The following ITGA6 variants were observed in gnomAD, a reference collection of about 807,000 sequenced individuals.
ITGA6 encodes integrin alpha-6.
In ITGA6, 63 loss-of-function variants were observed where a neutral mutation model predicts 133.6. The ratio of observed to expected loss-of-function variants is 0.47; its 90% confidence interval spans 0.38 to 0.58. The LOEUF (loss-of-function observed/expected upper bound fraction) is 0.58. Among genes scored for constraint, ITGA6 ranks in the 20% least tolerant of loss-of-function variants. The pLI is 0.00. For synonymous variants in ITGA6, 434 were observed against 482.0 expected (o/e 0.90, Z 1.30); for missense variants, 1,068 against 1,309.4 (o/e 0.82, Z 2.85).
intron 19 of ITGA6, among the ~76,000 whole-genome samples, chr2:172,489,211 G>T (rs1686817319): frequency 6.6e-6 from 1 of 152,032 alleles, no homozygotes; most frequent in African/African-American, 2.4e-5. Context: ...TGAGAACATG[G>T]TATATCTACA....
chr2:172,480,197 T>G (rs1686373823), intron 11 of ITGA6, 146 bp downstream of exon 11: 1 of 684,164 alleles, frequency 1.5e-6, no homozygotes, highest in Non-Finnish European at 2.6e-6. Context: ...TTTGTCTCCC[T>G]TTTAATCAGG....
In ITGA6 at chr2:172,475,702, G is replaced by C. The variant is rs549563910; in HGVS notation, c.1269+17G>C. 1.7e-4 allele frequency: 232 copies of C among 1,358,680 alleles called. No homozygotes were observed. The highest frequency in any genetic ancestry group is 2.1e-4 in the Non-Finnish European group (197 of 947,140). 84.2% of individuals were successfully genotyped at this position (1,358,680 alleles called of 1,614,324 possible). ...CCAACACAGGTAACCAAATAACCGG[G>C]ATTTCTACAGCTAGAGTCTCAACTT... On this transcript the variant is annotated intron_variant, in intron 8 of 25. Transcript: ENST00000684293.
In ITGA6 at chr2:172,472,781, G is replaced by C. The variant is rs1224200238; in HGVS notation, c.776-1274G>C. On this transcript the variant is annotated intron_variant, in intron 5 of 25. Transcript: ENST00000684293. Reference sequence around the variant, plus strand: ...TCCCGTGCATGCGTACAGGCCTGCTGTTTTTGACCAGCGTTTCCTATACAG... The same window carrying C: ...TCCCGTGCATGCGTACAGGCCTGCTCTTTTTGACCAGCGTTTCCTATACAG... The C allele has an allele frequency of 1.9e-6, 3 of 1,610,078 alleles. No individual in the cohort carries two copies. In the South Asian group the frequency reaches 3.3e-5, roughly 18 times the overall value.
At chr2:172,504,000 T>A in intron 25 of ITGA6, 91 bp from the exon 26 acceptor site, 1 of 993,182 alleles carries the variant, frequency 1.0e-6, no homozygotes, top group East Asian at 2.7e-5. Flanking sequence ...GAGGTAGACA[T>A]AGCTGAACAG....
chr2:172,440,964 G>A (rs970716578), intron 1 of ITGA6, among the ~76,000 whole-genome samples: 7 of 152,144 alleles, frequency 4.6e-5, no homozygotes, highest in Admixed American at 3.9e-4. Flanking sequence ...TTTGTTCAGG[G>A]AACACCAATT....
Position 172,474,912 on chromosome 2 carries a change from C to T in ITGA6, c.987-17C>T. 1 of 1,338,684 alleles carries T rather than the reference C, an allele frequency of 7.5e-7. No homozygotes were observed. The highest frequency in any genetic ancestry group is 1.4e-5 in the African/African-American group (1 of 69,496). The allele number at this position is 1,338,684 out of a possible 1,614,324, so 82.9% of individuals were successfully genotyped here. On this transcript the variant is annotated splice_polypyrimidine_tract_variant and intron_variant, in intron 6 of 25. Transcript: ENST00000684293. ...TAGCTGTTGGTTCACGGCTCTTTCCCCTCATTATGTTTTTAGGTGGCAAGA... is the reference window on the plus strand; with the variant it reads ...TAGCTGTTGGTTCACGGCTCTTTCCTCTCATTATGTTTTTAGGTGGCAAGA...
intron 1 of ITGA6, among the ~76,000 whole-genome samples, chr2:172,450,021 C>T (rs906853438): frequency 2.0e-5 from 3 of 151,156 alleles, no homozygotes; most frequent in Non-Finnish European, 4.4e-5. Flanking sequence ...CAAGAGTGTT[C>T]GGAACCAAAG....
At chr2:172,495,290 C>A (rs906123215) in intron 23 of ITGA6, 2 of 152,190 alleles carry the variant, frequency 1.3e-5, no homozygotes, top group Non-Finnish European at 2.9e-5. Context: ...GTGCGTCATC[C>A]CCATGGAAAT....
chr2:172,473,416 A>G (rs1686031351), intron 5 of ITGA6, among the ~76,000 whole-genome samples: 1 of 152,212 alleles, frequency 6.6e-6, no homozygotes, highest in South Asian at 2.1e-4. Context: ...AATACCATGT[A>G]TCATCAGTCA....
intron 4 of ITGA6, among the ~76,000 whole-genome samples, chr2:172,470,200 C>G (rs972974688): frequency 6.6e-6 from 1 of 152,164 alleles, no homozygotes; most frequent in African/African-American, 2.4e-5. Flanking sequence ...TTCTAAATGA[C>G]TCTTGAACAC....
intron 1 of ITGA6, among the ~76,000 whole-genome samples, chr2:172,451,284 G>A (rs568812747): frequency 6.6e-6 from 1 of 152,004 alleles, no homozygotes; most frequent in East Asian, 1.9e-4. Context: ...GGCCAACATG[G>A]TGAAACCCTG....
intron 3 of ITGA6, 160 bp from the exon 4 acceptor site, chr2:172,468,965 T>TG: frequency 1.4e-6 from 1 of 731,060 alleles, no homozygotes; most frequent in Non-Finnish European, 2.4e-6. Flanking sequence ...AGTGCCACTT[T>TG]GGGGAATATT....
In ITGA6 at chr2:172,479,577, G is replaced by C. The variant is rs1051971914; in HGVS notation, c.1389-64G>C. On this transcript the variant is annotated intron_variant, in intron 9 of 25. Coordinates refer to ENST00000684293, the MANE Select transcript of ITGA6 (RefSeq NM_000210.4). ...GGCAGCTAAGGATGCTCTCTAGTAT[G>C]TGAATTAGACTCACATTCAAGGTAA... The C allele has an allele frequency of 3.0e-6, 4 of 1,324,360 alleles. No homozygotes were observed. The African/African-American group carries it at 5.8e-5, about 19-fold the overall frequency. 82.0% of individuals were successfully genotyped at this position (1,324,360 alleles called of 1,614,324 possible).
intron 20 of ITGA6, chr2:172,490,783 C>T: frequency 2.3e-6 from 1 of 441,078 alleles, no homozygotes; most frequent in Non-Finnish European, 4.2e-6. Context: ...TTCTCTTTCT[C>T]TGAGTTTTAA....
intron 23 of ITGA6, among the ~76,000 whole-genome samples, chr2:172,493,591 C>CAGAG (rs1166005695): frequency 6.6e-6 from 1 of 152,112 alleles, no homozygotes; most frequent in East Asian, 1.9e-4. Flanking sequence ...GAAGCAGACT[C>CAGAG]AGAGAGGGGA....
intron 1 of ITGA6, among the ~76,000 whole-genome samples, chr2:172,459,420 C>CT (rs1265870410): frequency 6.6e-6 from 1 of 152,176 alleles, no homozygotes; most frequent in East Asian, 1.9e-4. Context: ...ATGAGAAGCA[C>CT]TTGAACCCGG....
chr2:172,448,113 G>C (rs1343295894), intron 1 of ITGA6, among the ~76,000 whole-genome samples: 1 of 152,148 alleles, frequency 6.6e-6, no homozygotes, highest in East Asian at 1.9e-4. Context: ...CAGGAAAGAA[G>C]GCATCTTGTG....
chr2:172,469,480 T>A (rs949209231), intron 4 of ITGA6, 100 bp downstream of exon 4: 16 of 1,109,360 alleles, frequency 1.4e-5, no homozygotes, highest in Non-Finnish European at 2.1e-5. Context: ...GACATTCGTA[T>A]ATTATAAAAG....
intron 3 of ITGA6, among the ~76,000 whole-genome samples, chr2:172,467,946 C>CA (rs753767060): frequency 2.2e-5 from 3 of 138,540 alleles, no homozygotes; most frequent in Non-Finnish European, 4.5e-5. Context: ...AACTCCATCT[C>CA]AAAAAAAAGA....
Sources: gnomAD v4.1 joint callset for allele counts (sites outside exome capture counted in the v4.1 genomes callset) on GRCh38, gnomAD v4.1.1 for gene constraint, MANE v1.5 for transcripts, NCBI Gene and HGNC (gene_info 2026-07-23, HGNC 2026-07-21) for gene names.